Variants in ACTL8 observed in about 807,000 individuals in gnomAD.
ACTL8 encodes the protein actin-like protein 8.
ACTL8 carries 3 observed loss-of-function variants against 9.3 expected under a neutral mutation model. That is an observed-to-expected ratio of 0.32 (90% CI 0.15 to 0.83). The LOEUF (loss-of-function observed/expected upper bound fraction) is 0.83. Among genes scored for constraint, ACTL8 ranks in the 40% least tolerant of loss-of-function variants. The pLI is 0.57. For synonymous variants in ACTL8, 224 were observed against 205.9 expected (o/e 1.09, Z -0.75); for missense variants, 381 against 492.2 (o/e 0.77, Z 2.14).
At chr1:17,818,466 A>G (rs901591207) in intron 1 of ACTL8, among the ~76,000 whole-genome samples, 4 of 152,218 alleles carry the variant, frequency 2.6e-5, no homozygotes, top group African/African-American at 9.6e-5. Flanking sequence ...CACATCTGCA[A>G]GCATGATACA....
rs1173512675 is a variant in ACTL8 at position 17,799,602 on chromosome 1, CT to C, written c.-24-23375del. Among the ~76,000 whole-genome samples the C allele has an allele frequency of 2.7e-5, 4 of 149,722 alleles. No individual in the cohort carries two copies. The East Asian group carries it at 7.7e-4, about 29-fold the overall frequency. On this transcript the variant is annotated intron_variant, in intron 1 of 2. Coordinates refer to ENST00000375406, the MANE Select transcript of ACTL8 (RefSeq NM_030812.3). ...AATCTATTTCTTTGTTGCTTCCTCT[CT>C]TTTTTTTCTCTGGCCTTAGAAATTG...
At chr1:17,798,382 G>C (rs2066293865) in intron 1 of ACTL8, among the ~76,000 whole-genome samples, 1 of 152,298 alleles carries the variant, frequency 6.6e-6, no homozygotes, top group African/African-American at 2.4e-5. Context: ...AAGACCCACT[G>C]CTGCTGGGAG....
At chr1:17,786,993 C>T (rs993328454) in intron 1 of ACTL8, among the ~76,000 whole-genome samples, 18 of 152,098 alleles carry the variant, frequency 1.2e-4, no homozygotes, top group African/African-American at 4.1e-4. Flanking sequence ...TGAGCCATCA[C>T]GCCTGGCCCT....
chr1:17,762,499 G>A (rs761028800), intron 1 of ACTL8, among the ~76,000 whole-genome samples: 4 of 152,146 alleles, frequency 2.6e-5, no homozygotes, highest in East Asian at 1.9e-4. Context: ...GGAGCCATCC[G>A]AATTCAGTCT....
chr1:17,822,907 G>A (rs899257925), intron 1 of ACTL8, 78 bp from the exon 2 acceptor site: 2 of 960,568 alleles, frequency 2.1e-6, no homozygotes, highest in African/African-American at 1.6e-5. Context: ...CCTGAGGTTT[G>A]ACTGTTGGGT....
chr1:17,779,157 G>T (rs1289885834), intron 1 of ACTL8, among the ~76,000 whole-genome samples: 1 of 152,094 alleles, frequency 6.6e-6, no homozygotes, highest in African/African-American at 2.4e-5. Flanking sequence ...CTCAGTGTTT[G>T]ATTTCTCCCC....
Position 17,826,647 on chromosome 1 carries a change from C to T in ACTL8, c.*128C>T. On this transcript the variant is annotated 3_prime_UTR_variant, in exon 3 of 3. Coordinates refer to ENST00000375406, the MANE Select transcript of ACTL8 (RefSeq NM_030812.3). The surrounding 1 kb of genome is among the most constrained non-coding windows in gnomAD (Gnocchi z 4.5). Reference sequence around the variant, plus strand: ...TGAGCTGGCTTTGGAATTCTAGGGGCATGAGGGTATTTTTTAGGTTCTAAG... The same window carrying T: ...TGAGCTGGCTTTGGAATTCTAGGGGTATGAGGGTATTTTTTAGGTTCTAAG... The T allele has an allele frequency of 2.1e-6, 2 of 960,946 alleles. No homozygotes were observed. The highest frequency in any genetic ancestry group is 2.9e-6 in the Non-Finnish European group (2 of 682,336). 59.5% of individuals were successfully genotyped at this position (960,946 alleles called of 1,614,324 possible). A position where few individuals can be genotyped will look rare whatever the true frequency, so the allele number is the denominator to read the frequency against.
At chr1:17,804,268 A>G (rs114641562) in intron 1 of ACTL8, among the ~76,000 whole-genome samples, 393 of 152,190 alleles carry the variant, frequency 2.6e-3, no homozygotes, top group Non-Finnish European at 4.4e-3. Flanking sequence ...AACACGAGCA[A>G]ATGGGTCTTT....
In ACTL8 at chr1:17,782,384, T is replaced by A. The variant is rs1178490092; in HGVS notation, c.-25+26880T>A. ...TTAAATGACTTATCTTGTCATTTTT[T>A]TTTTGTTAAACGCTATAAAGCAATA... On this transcript the variant is annotated intron_variant, in intron 1 of 2. Coordinates refer to ENST00000375406, the MANE Select transcript of ACTL8 (RefSeq NM_030812.3). Among the ~76,000 whole-genome samples the A allele has an allele frequency of 2.6e-5, 4 of 152,350 alleles. No homozygotes were observed. The South Asian group carries it at 8.3e-4, about 32-fold the overall frequency.
At position 17,822,997 on chromosome 1, in the gene ACTL8, T is replaced by C; in HGVS notation, c.-12T>C. On this transcript the variant is annotated 5_prime_UTR_variant, in exon 2 of 3. Transcript: ENST00000375406. ...TTTGCTTCCGCAGGTCCCACCCACC[T>C]CTGCCTCCGCCATGGCTGCAAGAAC... 6.2e-7 allele frequency: 1 copy of C among 1,609,518 alleles called. No individual in the cohort carries two copies. Among genetic ancestry groups the C allele is most frequent in the Non-Finnish European group, 8.5e-7 (1 of 1,177,590 alleles).
chr1:17,785,159 A>G (rs570225789), intron 1 of ACTL8, among the ~76,000 whole-genome samples: 70 of 152,342 alleles, frequency 4.6e-4, no homozygotes, highest in African/African-American at 1.7e-3. Flanking sequence ...GTGGGGACAC[A>G]GCCAAACCAT....
At chr1:17,786,711 T>A (rs2066200405) in intron 1 of ACTL8, among the ~76,000 whole-genome samples, 1 of 152,178 alleles carries the variant, frequency 6.6e-6, no homozygotes, top group South Asian at 2.1e-4. Flanking sequence ...TAATTATTAT[T>A]TTTTTAGAGA....
chr1:17,765,749 A>G (rs974677932), intron 1 of ACTL8, among the ~76,000 whole-genome samples: 1 of 152,232 alleles, frequency 6.6e-6, no homozygotes, highest in Non-Finnish European at 1.5e-5. Context: ...CTCTCAGGAC[A>G]ATGTCTGGCC....
chr1:17,818,632 G>T (rs149526161), intron 1 of ACTL8, among the ~76,000 whole-genome samples: 2 of 152,184 alleles, frequency 1.3e-5, no homozygotes, highest in Admixed American at 6.5e-5. Flanking sequence ...TGCTTTTCCA[G>T]GTATTCACAT....
chr1:17,781,530 C>T (rs1291680271), intron 1 of ACTL8, among the ~76,000 whole-genome samples: 1 of 152,312 alleles, frequency 6.6e-6, no homozygotes, highest in Non-Finnish European at 1.5e-5. Context: ...TGAACCACTG[C>T]ACCCAACCAG....
intron 2 of ACTL8, 97 bp from the exon 3 acceptor site, chr1:17,825,670 G>A (rs1401548896): frequency 4.8e-6 from 7 of 1,472,736 alleles, no homozygotes; most frequent in East Asian, 2.4e-5. Context: ...GGGGCAGCCC[G>A]AGAGTCCCCC....
At chr1:17,799,501 A>G (rs2102691826) in intron 1 of ACTL8, among the ~76,000 whole-genome samples, 1 of 148,136 alleles carries the variant, frequency 6.8e-6, no homozygotes, top group East Asian at 2.0e-4. Context: ...GTTCCATGTC[A>G]TTTTTAGATG....
chr1:17,776,969 ATTTTTTTTTTTTTTTTT>A (rs765972298), intron 1 of ACTL8, among the ~76,000 whole-genome samples: 61 of 50,550 alleles, frequency 1.2e-3, no homozygotes, highest in African/African-American at 3.8e-3. Context: ...CTGGCTAATG[ATTTTTTTTTTTTTTTTT>A]TTTTTTTTTT....
intron 1 of ACTL8, among the ~76,000 whole-genome samples, chr1:17,763,478 G>A (rs2066022149): frequency 6.6e-6 from 1 of 152,146 alleles, no homozygotes; most frequent in Non-Finnish European, 1.5e-5. Flanking sequence ...TCGGGGTGGA[G>A]TGGGTCCCTC....
Sources: gnomAD v4.1 joint callset for allele counts (sites outside exome capture counted in the v4.1 genomes callset) on GRCh38, gnomAD v4.1.1 for gene constraint, Gnocchi (gnomAD v3.1) non-coding constraint, MANE v1.5 for transcripts, NCBI Gene and HGNC (gene_info 2026-07-23, HGNC 2026-07-21) for gene names.